MACROD2: variants seen among roughly 807,000 people sequenced by gnomAD.
MACROD2 encodes mono-ADP ribosylhydrolase 2, also known as ADP-ribose glycohydrolase MACROD2.
A neutral mutation model predicts 70.4 loss-of-function variants in MACROD2; 36 were observed. That is an observed-to-expected ratio of 0.51 (90% CI 0.39 to 0.68). The LOEUF is 0.68. Ranked by LOEUF, MACROD2 falls within the 30% of genes least tolerant of loss-of-function variation. MACROD2 has a pLI of 0.00. For missense variants in MACROD2, 496 were observed against 538.4 expected (o/e 0.92, Z 0.78); for synonymous variants, 172 against 178.8 (o/e 0.96, Z 0.30).
chr20:14,262,521 A>G (rs2082109167), intron 3 of MACROD2, among the ~76,000 whole-genome samples: 1 of 152,228 alleles, frequency 6.6e-6, no homozygotes, highest in Admixed American at 6.5e-5. Flanking sequence ...CTCTTAGTTG[A>G]CCATCCGATT....
intron 3 of MACROD2, among the ~76,000 whole-genome samples, chr20:14,484,510 G>A (rs2084699358): frequency 6.6e-6 from 1 of 152,012 alleles, no homozygotes; most frequent in African/African-American, 2.4e-5. Flanking sequence ...TCACCCTGTT[G>A]TGCTATCAAA....
rs183955424 is a variant in MACROD2 at position 15,428,671 on chromosome 20, A to G, written c.541-2734A>G. Among the ~76,000 whole-genome samples, 97 of 152,252 alleles carry G rather than the reference A, an allele frequency of 6.4e-4. 1 individual carries two copies. Among genetic ancestry groups the G allele is most frequent in the African/African-American group, 2.2e-3 (90 of 41,538 alleles). The stretch of plus-strand genomic sequence containing the variant: ...CTTCATAATCTACTACTCTTTGTCC[A>G]ATTTAGTATATGTGTTTAACTTTAA... On this transcript the variant is annotated intron_variant, in intron 6 of 17. Transcript: ENST00000684519.
intron 6 of MACROD2, among the ~76,000 whole-genome samples, chr20:15,420,195 C>T (rs1184442333): frequency 6.6e-6 from 1 of 152,156 alleles, no homozygotes; most frequent in Non-Finnish European, 1.5e-5. Context: ...CATGGTGAAA[C>T]TAATCCAGCT....
At chr20:16,010,168 G>C (rs1243658929) in intron 15 of MACROD2, among the ~76,000 whole-genome samples, 1 of 152,206 alleles carries the variant, frequency 6.6e-6, no homozygotes, top group Non-Finnish European at 1.5e-5. Context: ...AAAAAGAAGA[G>C]AGAGGAGAGG....
intron 8 of MACROD2, among the ~76,000 whole-genome samples, chr20:15,643,331 C>T (rs1424623003): frequency 6.6e-6 from 1 of 152,202 alleles, no homozygotes; most frequent in African/African-American, 2.4e-5. Flanking sequence ...CTGGACTGTT[C>T]TTCCTTCAAA....
intron 15 of MACROD2, among the ~76,000 whole-genome samples, chr20:16,033,862 T>G (rs200486471): frequency 0.072 from 10,347 of 144,320 alleles, 466 homozygotes; most frequent in East Asian, 0.29. Flanking sequence ...GGGGGTGGGG[T>G]GGGGGAGAAA....
intron 5 of MACROD2, among the ~76,000 whole-genome samples, chr20:14,749,063 G>T (rs1190163076): frequency 6.6e-6 from 1 of 151,886 alleles, no homozygotes; most frequent in East Asian, 1.9e-4. Flanking sequence ...TTTCCTCTTT[G>T]TGTTTTGTCT....
intron 3 of MACROD2, among the ~76,000 whole-genome samples, chr20:14,220,020 G>C (rs1295744043): frequency 2.0e-5 from 3 of 152,204 alleles, no homozygotes; most frequent in African/African-American, 7.2e-5. Context: ...CTGCCAGGAG[G>C]TGGCACTTTC....
intron 2 of MACROD2, among the ~76,000 whole-genome samples, chr20:14,054,617 A>G (rs1328508793): frequency 6.6e-6 from 1 of 152,146 alleles, no homozygotes; most frequent in Non-Finnish European, 1.5e-5. Flanking sequence ...CCAATAGAGT[A>G]AAAGTATAAT....
intron 5 of MACROD2, among the ~76,000 whole-genome samples, chr20:14,960,030 C>T (rs189976849): frequency 3.3e-5 from 5 of 152,300 alleles, no homozygotes; most frequent in Admixed American, 3.3e-4. Context: ...GAAATGCCTC[C>T]TGTACAAATT....
intron 3 of MACROD2, among the ~76,000 whole-genome samples, chr20:14,414,642 G>A (rs2083783959): frequency 6.6e-6 from 1 of 152,148 alleles, no homozygotes; most frequent in African/African-American, 2.4e-5. Context: ...CCATTTCAGA[G>A]TAAAAACCAA....
chr20:15,902,684 A>G (rs1489090643), intron 10 of MACROD2, among the ~76,000 whole-genome samples: 2 of 152,072 alleles, frequency 1.3e-5, no homozygotes, highest in Non-Finnish European at 2.9e-5. Flanking sequence ...CAGCTCTGTG[A>G]AAAGGTTCTC....
intron 3 of MACROD2, among the ~76,000 whole-genome samples, chr20:14,394,001 T>C (rs2122812137): frequency 6.6e-6 from 1 of 152,320 alleles, no homozygotes; most frequent in Admixed American, 6.5e-5. Context: ...AATCTGCCAG[T>C]ACCTTGATCT....
At chr20:15,608,462 G>A (rs1466403622) in intron 8 of MACROD2, among the ~76,000 whole-genome samples, 1 of 152,150 alleles carries the variant, frequency 6.6e-6, no homozygotes, top group Non-Finnish European at 1.5e-5. Flanking sequence ...AGGAGCACAC[G>A]TGCAAAGACC....
chr20:14,930,436 G>A (rs2074283589), intron 5 of MACROD2, among the ~76,000 whole-genome samples: 1 of 152,070 alleles, frequency 6.6e-6, no homozygotes, highest in Non-Finnish European at 1.5e-5. Context: ...TGTAGACTCT[G>A]GAGTTCAACT....
At chr20:14,318,925 C>T (rs944518338) in intron 3 of MACROD2, among the ~76,000 whole-genome samples, 3 of 152,102 alleles carry the variant, frequency 2.0e-5, no homozygotes, top group African/African-American at 2.4e-5. Flanking sequence ...AAGTAATTGA[C>T]GTTTTTGCTT....
intron 4 of MACROD2, among the ~76,000 whole-genome samples, chr20:14,638,339 A>G (rs1984896961): frequency 6.6e-6 from 1 of 152,196 alleles, no homozygotes. Context: ...GAATGAAAAG[A>G]AAGTCTTTTA....
At chr20:15,290,688 G>C (rs777084767) in intron 6 of MACROD2, among the ~76,000 whole-genome samples, 2 of 152,202 alleles carry the variant, frequency 1.3e-5, no homozygotes, top group Non-Finnish European at 2.9e-5. Context: ...ATATCATTAA[G>C]ATACAAGCCA....
intron 6 of MACROD2, among the ~76,000 whole-genome samples, chr20:15,276,943 A>G (rs2077398825): frequency 6.6e-6 from 1 of 152,244 alleles, no homozygotes; most frequent in Non-Finnish European, 1.5e-5. Flanking sequence ...TTCTTGTAAC[A>G]CATTTATTAC....
Sources: gnomAD v4.1 joint callset for allele counts (sites outside exome capture counted in the v4.1 genomes callset) on GRCh38, gnomAD v4.1.1 for gene constraint, MANE v1.5 for transcripts, NCBI Gene and HGNC (gene_info 2026-07-23, HGNC 2026-07-21) for gene names.